MYB: variants seen among roughly 807,000 people sequenced by gnomAD.
MYB encodes the protein MYB proto-oncogene, transcription factor, also known as transcriptional activator Myb.
MYB carries 28 observed loss-of-function variants against 92.9 expected under a neutral mutation model. The ratio of observed to expected loss-of-function variants is 0.30; its 90% CI spans 0.22 to 0.41. MYB has a LOEUF of 0.41. Ranked by LOEUF, MYB falls within the 10% of genes least tolerant of loss-of-function variation. The probability of loss-of-function intolerance (pLI) is 1.00; values close to 1 mark genes in which losing one functional copy is unlikely to be tolerated. For synonymous variants in MYB, 295 were observed against 329.1 expected, an observed-to-expected ratio of 0.90 and a Z score of 1.12; for missense variants, 679 against 929.3, an observed-to-expected ratio of 0.73 and a Z score of 3.50.
At chr6:135,196,472 A>G (rs1434091296) in intron 9 of MYB, among the ~76,000 whole-genome samples, 1 of 152,142 alleles carries the variant, frequency 6.6e-6, no homozygotes, top group Non-Finnish European at 1.5e-5. Context: ...AGTGTATTTG[A>G]AGTAATAATC....
intron 15 of MYB, among the ~76,000 whole-genome samples, chr6:135,213,474 C>T (rs1046797847): frequency 2.0e-5 from 3 of 152,078 alleles, no homozygotes; most frequent in Admixed American, 6.5e-5. Flanking sequence ...CACAGGAACA[C>T]AGTCAGATTT....
At position 135,218,014 on chromosome 6, in the gene MYB, C is replaced by A; in HGVS notation, c.*34C>A. 6.8e-7 allele frequency: 1 copy of A among 1,478,736 alleles called. No individual in the cohort carries two copies. Among genetic ancestry groups the A allele is most frequent in the Non-Finnish European group, 9.5e-7 (1 of 1,056,856 alleles). 91.6% of individuals were successfully genotyped at this position (1,478,736 alleles called of 1,614,324 possible). A position where few individuals can be genotyped will look rare whatever the true frequency, so the allele number is the denominator to read the frequency against. Reference sequence around the variant, plus strand: ...CAGAAAAGCATTATGGTTTTCAGAACACTTCAAGTTGACTTGGGATATATC... The same window carrying A: ...CAGAAAAGCATTATGGTTTTCAGAAAACTTCAAGTTGACTTGGGATATATC... On this transcript the variant is annotated 3_prime_UTR_variant, in exon 16 of 16. Transcript: ENST00000341911.
At chr6:135,206,144 T>C (rs111606241) in intron 15 of MYB, among the ~76,000 whole-genome samples, 3 of 140,362 alleles carry the variant, frequency 2.1e-5, no homozygotes. Flanking sequence ...AGGCGGAGCT[T>C]GCAGTGAGCT....
At chr6:135,203,835 C>G in intron 15 of MYB, 1 of 1,259,184 alleles carries the variant, frequency 7.9e-7, no homozygotes, top group Non-Finnish European at 1.0e-6. Flanking sequence ...GTTGTGAGGC[C>G]GATCTGAAGT....
chr6:135,210,292 T>G (rs1779531778), intron 15 of MYB, among the ~76,000 whole-genome samples: 2 of 152,248 alleles, frequency 1.3e-5, no homozygotes, highest in South Asian at 2.1e-4. Flanking sequence ...GTTCATAGGC[T>G]TTCTACTCAC....
At chr6:135,191,568 A>G (rs1482694373) in intron 5 of MYB, among the ~76,000 whole-genome samples, 1 of 152,192 alleles carries the variant, frequency 6.6e-6, no homozygotes, top group African/African-American at 2.4e-5. Context: ...TCTTCTCAAA[A>G]TTAACAGGGC....
chr6:135,191,534 G>A (rs1176129539), intron 5 of MYB, among the ~76,000 whole-genome samples: 3 of 152,186 alleles, frequency 2.0e-5, no homozygotes, highest in Middle Eastern at 3.4e-3. Flanking sequence ...CCTCCCATAT[G>A]GCCTGAGAGG....
intron 13 of MYB, chr6:135,200,744 G>A (rs1777955103): frequency 9.9e-6 from 3 of 302,904 alleles, no homozygotes; most frequent in East Asian, 1.7e-4. Context: ...GTGAAGAATT[G>A]GAATTTAAAT....
intron 15 of MYB, among the ~76,000 whole-genome samples, chr6:135,211,997 TAC>T (rs1349829250): frequency 6.6e-6 from 1 of 152,182 alleles, no homozygotes; most frequent in Non-Finnish European, 1.5e-5. Flanking sequence ...TAAAGATTTC[TAC>T]AGTCTCTCTT....
At chr6:135,195,367 T>C in intron 8 of MYB, 1 of 252,776 alleles carries the variant, frequency 4.0e-6, no homozygotes, top group Non-Finnish European at 7.8e-6. Flanking sequence ...CTAGCTTTTT[T>C]GTGGTTAGAA....
At chr6:135,185,387 GT>G (rs1775778564) in intron 1 of MYB, among the ~76,000 whole-genome samples, 1 of 152,108 alleles carries the variant, frequency 6.6e-6, no homozygotes, top group Non-Finnish European at 1.5e-5. Flanking sequence ...CTATAATTCT[GT>G]TTTGCGCTGT....
At chr6:135,215,502 T>C (rs1470054581) in intron 15 of MYB, among the ~76,000 whole-genome samples, 1 of 152,196 alleles carries the variant, frequency 6.6e-6, no homozygotes, top group Admixed American at 6.5e-5. Flanking sequence ...TTGCCTGGTC[T>C]GTAAAATGGA....
intron 1 of MYB, among the ~76,000 whole-genome samples, chr6:135,184,311 G>C (rs1248294690): frequency 2.0e-5 from 3 of 147,012 alleles, no homozygotes; most frequent in African/African-American, 7.7e-5. Context: ...TTACACCTCT[G>C]GGCTTTATAG....
rs1247579811 is a variant in MYB, at chr6:135,200,095, C to T, written c.1720C>T (p.Pro574Ser). 6.2e-7 allele frequency: 1 copy of T among 1,613,604 alleles called. No homozygotes were observed. Among genetic ancestry groups the T allele is most frequent in the Admixed American group, 1.7e-5 (1 of 59,994 alleles). Residue 574 changes from proline to serine, a missense_variant, in exon 12 of 16, where the codon CCA becomes TCA. By Grantham distance (74) the Pro-to-Ser change is moderately conservative. Around this residue, in one of 8 missense-constraint regions of MYB, gnomAD observed 402 missense variants for 434.2 expected, o/e 0.93. Coordinates refer to ENST00000341911, the MANE Select transcript of MYB (RefSeq NM_001130173.2). ...GTTTTCTTTTTAAAGTTTTAGAACC[C>T]CAGCTATCAAAAGGTCAATCTTAGA... ...TQKENTVFRT[P>S]AIKRSILESS...
rs769759766 is a variant in MYB at position 135,193,907 on chromosome 6, G to T, written c.832G>T (p.Ala278Ser). The T allele has an allele frequency of 2.5e-6, 4 of 1,607,648 alleles. No homozygotes were observed. Among genetic ancestry groups the T allele is most frequent in the Admixed American group, 1.7e-5 (1 of 59,996 alleles). Reference sequence around the variant, plus strand: ...AGTCAATGTCCCTCAGCCAGCTGCCGCAGCCATTCAGGTAAGATCATTGAT... The same window carrying T: ...AGTCAATGTCCCTCAGCCAGCTGCCTCAGCCATTCAGGTAAGATCATTGAT... ...NIVNVPQPAA[A>S]AIQRHYNDED... Residue 278 changes from alanine (A) to serine (S), a missense_variant, in exon 7 of 16, where the codon GCA becomes TCA. By Grantham distance (99) the Ala-to-Ser change is moderately conservative. Transcript: ENST00000341911.
At chr6:135,211,585 T>G (rs1056457421) in intron 15 of MYB, among the ~76,000 whole-genome samples, 2 of 152,174 alleles carry the variant, frequency 1.3e-5, no homozygotes, top group Non-Finnish European at 2.9e-5. Flanking sequence ...AGTTTGGAAC[T>G]CATATGTGAC....
At position 135,218,900 on chromosome 6, in the gene MYB, G is replaced by A. The variant is rs887031151; in HGVS notation, c.*920G>A. The A allele has an allele frequency of 4.4e-6, 1 of 228,834 alleles. No homozygotes were observed. Among genetic ancestry groups the A allele is most frequent in the African/African-American group, 2.2e-5 (1 of 45,024 alleles). The allele number at this position is 228,834 out of a possible 1,614,324, so 14.2% of individuals were successfully genotyped here. ...ACTTCTTTTTTGGGAGATGTGTGTT[G>A]TTGATGTTCTATGTTTTGTTTTGAG... On this transcript the variant is annotated 3_prime_UTR_variant, in exon 16 of 16. Transcript: ENST00000341911.
In MYB at chr6:135,188,424, C is replaced by T. The variant is rs1776201682; in HGVS notation, c.213+519C>T. Among the ~76,000 whole-genome samples the T allele has an allele frequency of 2.0e-5, 3 of 152,116 alleles. No homozygotes were observed. The South Asian group carries it at 6.2e-4, about 32-fold the overall frequency. On this transcript the variant is annotated intron_variant, in intron 3 of 15. Transcript: ENST00000341911. ...GGCTGTGCTGAAGGTTGGGCTCCTG[C>T]CCTCTCATTTGGACTATCATATAAC...
intron 13 of MYB, among the ~76,000 whole-genome samples, chr6:135,201,345 C>T (rs925917433): frequency 1.3e-5 from 2 of 152,136 alleles, no homozygotes; most frequent in Non-Finnish European, 2.9e-5. Context: ...GGATACAACA[C>T]TACTAGGTGT....
Sources: gnomAD v4.1 joint callset for allele counts (sites outside exome capture counted in the v4.1 genomes callset) on GRCh38, gnomAD v4.1.1 for gene constraint, gnomAD v4.1.1 regional missense constraint, MANE v1.5 for transcripts, NCBI Gene and HGNC (gene_info 2026-07-23, HGNC 2026-07-21) for gene names.